MGAT4C: variants seen among roughly 807,000 people sequenced by gnomAD.
MGAT4C encodes MGAT4 family member C, also known as alpha-1,3-mannosyl-glycoprotein 4-beta-N-acetylglucosaminyltransferase C.
In MGAT4C, 19 loss-of-function variants were observed where a neutral mutation model predicts 40.1. The ratio of observed to expected loss-of-function variants is 0.47; its 90% CI spans 0.33 to 0.70. The LOEUF is 0.70. MGAT4C is among the 30% of genes least tolerant of loss of function. The pLI, the probability that MGAT4C is intolerant of heterozygous loss-of-function variation, is 0.02. For missense variants in MGAT4C, 491 were observed against 563.2 expected (o/e 0.87, Z 1.30); for synonymous variants, 181 against 187.1 (o/e 0.97, Z 0.27).
chr12:86,360,309 T>A (rs962587556), intron 3 of MGAT4C, among the ~76,000 whole-genome samples: 6 of 152,134 alleles, frequency 3.9e-5, no homozygotes, highest in African/African-American at 1.4e-4. Context: ...AAACTCTCAA[T>A]AAACTAAGTA....
At chr12:86,370,983 A>G (rs1459956696) in intron 3 of MGAT4C, among the ~76,000 whole-genome samples, 12 of 152,042 alleles carry the variant, frequency 7.9e-5, no homozygotes, top group Admixed American at 1.3e-4. Context: ...TGCTATATGT[A>G]TAGGAGCAGA....
chr12:86,633,767 C>A (rs190240562), intron 2 of MGAT4C, among the ~76,000 whole-genome samples: 2 of 152,058 alleles, frequency 1.3e-5, no homozygotes, highest in East Asian at 3.9e-4. Flanking sequence ...GTAAACTAGA[C>A]GATAAGATTT....
At chr12:86,715,501 T>C (rs1051432027) in intron 2 of MGAT4C, among the ~76,000 whole-genome samples, 1 of 152,138 alleles carries the variant, frequency 6.6e-6, no homozygotes, top group African/African-American at 2.4e-5. Flanking sequence ...TATATTATAC[T>C]TGAGTAAAAA....
intron 1 of MGAT4C, among the ~76,000 whole-genome samples, chr12:86,166,008 G>A (rs766021113): frequency 5.3e-5 from 8 of 152,006 alleles, no homozygotes; most frequent in Non-Finnish European, 1.2e-4. Context: ...TCTAAATCAC[G>A]CTCTTAATTT....
At chr12:86,437,134 A>G (rs1335725493) in intron 2 of MGAT4C, among the ~76,000 whole-genome samples, 1 of 151,764 alleles carries the variant, frequency 6.6e-6, no homozygotes, top group Non-Finnish European at 1.5e-5. Flanking sequence ...TTATGTCTTT[A>G]TTACAAAAAA....
intron 3 of MGAT4C, among the ~76,000 whole-genome samples, chr12:86,406,769 G>T (rs973162647): frequency 3.9e-5 from 6 of 151,956 alleles, no homozygotes; most frequent in African/African-American, 1.2e-4. Context: ...ACTCTGTAAA[G>T]GATGAGATAA....
chr12:86,792,376 T>C (rs113990017), intron 1 of MGAT4C, among the ~76,000 whole-genome samples: 3,707 of 152,144 alleles, frequency 0.024, 63 homozygotes, highest in African/African-American at 0.056. Context: ...GACACTTGCC[T>C]AGAAAGATGA....
chr12:86,771,423 T>C (rs1007706493), intron 1 of MGAT4C, among the ~76,000 whole-genome samples: 2 of 152,156 alleles, frequency 1.3e-5, no homozygotes, highest in Non-Finnish European at 2.9e-5. Context: ...ACAAAGAGTC[T>C]AGATTTCCTT....
At chr12:86,646,585 A>C (rs1486775834) in intron 2 of MGAT4C, among the ~76,000 whole-genome samples, 2 of 151,902 alleles carry the variant, frequency 1.3e-5, no homozygotes, top group Non-Finnish European at 2.9e-5. Context: ...GTCACATTTT[A>C]TGCGGCCCTG....
chr12:86,467,132 T>G (rs1957693316), intron 2 of MGAT4C, among the ~76,000 whole-genome samples: 1 of 152,270 alleles, frequency 6.6e-6, no homozygotes, highest in African/African-American at 2.4e-5. Flanking sequence ...AAGCTCCATA[T>G]GACCAAAGAC....
chr12:86,097,951 A>C (rs925295363), intron 1 of MGAT4C, among the ~76,000 whole-genome samples: 2 of 151,600 alleles, frequency 1.3e-5, no homozygotes, highest in Non-Finnish European at 1.5e-5. Flanking sequence ...ATTTTAGTAA[A>C]ATAGAGGGTA....
chr12:86,514,067 A>AACACACACACACAC (rs71078908), intron 2 of MGAT4C, among the ~76,000 whole-genome samples: 12 of 134,020 alleles, frequency 9.0e-5, no homozygotes, highest in Admixed American at 2.3e-4. Context: ...GCCATGCACC[A>AACACACACACACAC]ACACACACAC....
chr12:86,786,715 G>A (rs1052398520), intron 1 of MGAT4C, among the ~76,000 whole-genome samples: 1 of 151,922 alleles, frequency 6.6e-6, no homozygotes. Flanking sequence ...GAGCTCAATT[G>A]CTCTATCTTT....
chr12:86,337,719 G>A lies in MGAT4C; in HGVS notation c.-119-3592C>T, dbSNP rs140509778. Among the ~76,000 whole-genome samples, 924 of 152,042 alleles carry A rather than the reference G, an allele frequency of 6.1e-3. 6 individuals carry two copies. Among genetic ancestry groups the A allele is most frequent in the African/African-American group, 0.021 (881 of 41,470 alleles). On this transcript the variant is annotated intron_variant, in intron 3 of 7. Coordinates refer to the MGAT4C transcript ENST00000548651. Reference sequence around the variant, plus strand: ...TTTGCAGATACATTAACTAAAAGTCGACATTTACTGAAATGATGGGTTTAT... The same window carrying A: ...TTTGCAGATACATTAACTAAAAGTCAACATTTACTGAAATGATGGGTTTAT...
chr12:86,006,624 A>G (rs1050830242), intron 2 of MGAT4C, among the ~76,000 whole-genome samples: 1 of 152,186 alleles, frequency 6.6e-6, no homozygotes, highest in African/African-American at 2.4e-5. Flanking sequence ...CCAAGAGCCT[A>G]GTTTTAGCAC....
chr12:86,509,754 T>C lies in MGAT4C; in HGVS notation c.-228-74489A>G, dbSNP rs945464350. Among the ~76,000 whole-genome samples, 614 of 152,314 alleles carry C rather than the reference T, an allele frequency of 4.0e-3. 1 individual carries two copies. Among genetic ancestry groups the C allele is most frequent in the Non-Finnish European group, 6.9e-3 (471 of 68,030 alleles). On this transcript the variant is annotated intron_variant, in intron 2 of 7. Coordinates refer to the MGAT4C transcript ENST00000548651. ...TATTTCATTGAGCAGTGGTTTGTAG[T>C]TCTCCTTGAAGAGGTCCTTCACATC...
intron 2 of MGAT4C, chr12:86,013,875 A>AT (rs1309780343): frequency 3.8e-6 from 2 of 530,890 alleles, no homozygotes; most frequent in Non-Finnish European, 4.8e-6. Context: ...TTGTTACAAC[A>AT]TTTTTGGTAT....
chr12:86,508,523 G>C (rs1431498960), intron 2 of MGAT4C, among the ~76,000 whole-genome samples: 5 of 151,720 alleles, frequency 3.3e-5, no homozygotes, highest in Non-Finnish European at 7.4e-5. Flanking sequence ...AAACATACGT[G>C]TGCATGTGTC....
chr12:86,819,826 GTTAT>G (rs1405013221), intron 1 of MGAT4C, among the ~76,000 whole-genome samples: 1 of 150,458 alleles, frequency 6.6e-6, no homozygotes, highest in Non-Finnish European at 1.5e-5. Context: ...ATTTTAAAAG[GTTAT>G]TTAACAAAAA....
Sources: gnomAD v4.1 joint callset for allele counts (sites outside exome capture counted in the v4.1 genomes callset) on GRCh38, gnomAD v4.1.1 for gene constraint, MANE v1.5 for transcripts, NCBI Gene and HGNC (gene_info 2026-07-23, HGNC 2026-07-21) for gene names.